Variants in SGCE observed in about 807,000 individuals in gnomAD.
SGCE encodes the protein sarcoglycan epsilon.
SGCE carries 26 observed loss-of-function variants against 57.8 expected under a neutral mutation model. That is an observed-to-expected ratio of 0.45 (90% confidence interval 0.33 to 0.62). SGCE has a LOEUF of 0.62. Ranked by LOEUF, SGCE falls within the 20% of genes least tolerant of loss-of-function variation. The pLI, the probability that SGCE is intolerant of heterozygous loss-of-function variation, is 0.02. For synonymous variants in SGCE, 183 were observed against 189.5 expected (o/e 0.97, Z 0.28); for missense variants, 468 against 548.6 (o/e 0.85, Z 1.47).
At chr7:94,637,074 A>G (rs928075232) in intron 1 of SGCE, among the ~76,000 whole-genome samples, 1 of 151,698 alleles carries the variant, frequency 6.6e-6, no homozygotes, top group East Asian at 1.9e-4. Context: ...AAAAAAAAAA[A>G]GCTACACAAA....
chr7:94,599,683 A>G lies in SGCE; in HGVS notation c.1064+14T>C, dbSNP rs371768461. ...AAAAATGATGAAGAAAATAACAGGA[A>G]AGAAGACACTTACTCTGGTGTTTGC... On this transcript the variant is annotated intron_variant, in intron 8 of 10. Transcript: ENST00000648936. 8 of 1,608,822 alleles carry G rather than the reference A, an allele frequency of 5.0e-6. No homozygotes were observed. In the African/African-American group the frequency reaches 1.1e-4, roughly 21 times the overall value.
rs763703803 is a variant in SGCE, at chr7:94,587,782, A to G, written c.1297+907T>C. 8 of 1,548,096 alleles carry G rather than the reference A, an allele frequency of 5.2e-6. No homozygotes were observed. The South Asian group carries it at 7.3e-5, about 14-fold the overall frequency. ...GAACAATTTCATTATACTTGCCTCA[A>G]ATCTTTGAAAAGTTGTCAAACGAAA... On this transcript the variant is annotated intron_variant, in intron 10 of 10. Coordinates refer to ENST00000648936, the MANE Select transcript of SGCE (RefSeq NM_003919.3).
intron 5 of SGCE, among the ~76,000 whole-genome samples, chr7:94,607,307 C>G (rs1467779289): frequency 1.3e-5 from 2 of 152,046 alleles, no homozygotes; most frequent in African/African-American, 4.8e-5. Flanking sequence ...CTATGAAACC[C>G]AAATTACCTT....
rs1461551054 is a variant in SGCE, at chr7:94,628,273, T to C, written c.319A>G (p.Thr107Ala). 4 of 1,611,640 alleles carry C rather than the reference T, an allele frequency of 2.5e-6. No homozygotes were observed. Among genetic ancestry groups the C allele is most frequent in the East Asian group, 2.2e-5 (1 of 44,836 alleles). ...TATAGGACTCCATCACTATATGGTG[T>C]CCTTTGGATATATCGAAGCCATCCA... is the stretch of plus-strand genomic sequence containing the variant. ...RPGWLRYIQR[T>A]PYSDGVLYGS... Residue 107 changes from threonine to alanine, a missense_variant, in exon 3 of 11, where the codon ACA (threonine) becomes GCA (alanine). By Grantham distance (58) the Thr-to-Ala change is moderately conservative. Transcript: ENST00000648936.
intron 5 of SGCE, among the ~76,000 whole-genome samples, chr7:94,613,514 A>T (rs1042689164): frequency 1.3e-5 from 2 of 152,178 alleles, no homozygotes; most frequent in Admixed American, 1.3e-4. Context: ...ACTTCAAAAG[A>T]CTAGAGACTG....
intron 9 of SGCE, chr7:94,594,623 A>G (rs1272049883): frequency 1.3e-5 from 2 of 152,144 alleles, no homozygotes; most frequent in Non-Finnish European, 2.9e-5. Flanking sequence ...ACAGTAAAGT[A>G]CCGAAACTGG....
chr7:94,636,075 C>A lies in SGCE; in HGVS notation c.110-6234G>T, dbSNP rs1645287021. 2.6e-5 allele frequency among the ~76,000 whole-genome samples: 4 copies of A among 152,176 alleles called. No individual in the cohort carries two copies. In the South Asian group the frequency reaches 8.3e-4, roughly 32 times the overall value. ...TAGGAGAGGAAACCATTACTTGAAT[C>A]TTCTACAAAAAAGCAGAAGAGTTTC... On this transcript the variant is annotated intron_variant, in intron 1 of 10. Transcript: ENST00000648936.
At chr7:94,627,339 T>C (rs885573) in intron 3 of SGCE, 20,414 of 152,054 alleles carry the variant, frequency 0.13, 1,534 homozygotes, top group South Asian at 0.25. Flanking sequence ...AGTTGTTTTG[T>C]TGTTGTTAAT....
intron 10 of SGCE, chr7:94,587,955 AC>A (rs1482893938): frequency 7.0e-7 from 1 of 1,428,906 alleles, no homozygotes; most frequent in Non-Finnish European, 9.1e-7. Flanking sequence ...AGAATTCCAC[AC>A]CCAACTTACA....
chr7:94,630,402 A>G lies in SGCE; in HGVS notation c.110-561T>C, dbSNP rs150278095. Among the ~76,000 whole-genome samples the G allele has an allele frequency of 5.7e-3, 860 of 151,970 alleles. 5 individuals are homozygous for G. The highest frequency in any genetic ancestry group is 0.028 in the South Asian group (136 of 4,826). The stretch of plus-strand genomic sequence containing the variant: ...CATTGGATACTTTTTCTGGGTATTC[A>G]TTCCTCGCATCTCTTGTAGAAATGA... On this transcript the variant is annotated intron_variant, in intron 1 of 10. Transcript: ENST00000648936.
intron 6 of SGCE, among the ~76,000 whole-genome samples, chr7:94,601,443 CAAAAAAAAA>C (rs71123905): frequency 1.4e-3 from 127 of 89,314 alleles, no homozygotes; most frequent in African/African-American, 1.8e-3. Context: ...ATCCCAGTAT[CAAAAAAAAA>C]AAAAAAAAAA....
intron 1 of SGCE, among the ~76,000 whole-genome samples, chr7:94,634,787 A>G (rs1325811388): frequency 6.6e-6 from 1 of 152,160 alleles, no homozygotes; most frequent in Non-Finnish European, 1.5e-5. Context: ...ACTATACTTG[A>G]GAGAGAGCCA....
intron 5 of SGCE, among the ~76,000 whole-genome samples, chr7:94,611,906 A>T (rs1801104659): frequency 6.6e-6 from 1 of 152,218 alleles, no homozygotes; most frequent in African/African-American, 2.4e-5. Context: ...ATAATGGGCA[A>T]AATTAAAGAT....
At chr7:94,590,030 T>C (rs1275428073) in intron 9 of SGCE, 2 of 152,190 alleles carry the variant, frequency 1.3e-5, no homozygotes, top group African/African-American at 4.8e-5. Context: ...TATTTCCTTG[T>C]ATCTATCTGC....
intron 1 of SGCE, among the ~76,000 whole-genome samples, chr7:94,634,182 C>T (rs1009573484): frequency 6.6e-6 from 1 of 152,054 alleles, no homozygotes; most frequent in Non-Finnish European, 1.5e-5. Flanking sequence ...CCATTTATAT[C>T]ATCATTTTCT....
At chr7:94,586,790 C>A in intron 10 of SGCE, 1 of 979,282 alleles carries the variant, frequency 1.0e-6, no homozygotes, top group Non-Finnish European at 1.2e-6. Flanking sequence ...GTGTGAGCCA[C>A]CGCACCCAGC....
At chr7:94,645,682 G>T (rs1201961323) in intron 1 of SGCE, among the ~76,000 whole-genome samples, 3 of 152,104 alleles carry the variant, frequency 2.0e-5, no homozygotes, top group African/African-American at 7.2e-5. Context: ...GCTACTCAAT[G>T]TTTCTGTGCC....
chr7:94,654,348 T>C (rs1005195736), intron 1 of SGCE, among the ~76,000 whole-genome samples: 2 of 152,196 alleles, frequency 1.3e-5, no homozygotes, highest in African/African-American at 4.8e-5. Flanking sequence ...TGGTTTTAAA[T>C]CTCAATTTTT....
At chr7:94,623,122 A>G (rs1443276500) in intron 4 of SGCE, among the ~76,000 whole-genome samples, 1 of 152,150 alleles carries the variant, frequency 6.6e-6, no homozygotes, top group Admixed American at 6.6e-5. Context: ...TTGGCTTCCT[A>G]TCTGAGTTTT....
Sources: gnomAD v4.1 joint callset for allele counts (sites outside exome capture counted in the v4.1 genomes callset) on GRCh38, gnomAD v4.1.1 for gene constraint, MANE v1.5 for transcripts, NCBI Gene and HGNC (gene_info 2026-07-23, HGNC 2026-07-21) for gene names.